The following MERTK variants were observed in gnomAD, a reference collection of about 807,000 sequenced individuals.
MERTK encodes tyrosine-protein kinase Mer.
MERTK carries 69 observed loss-of-function variants against 99.3 expected under a neutral mutation model. That is an observed-to-expected ratio of 0.70 (90% CI 0.57 to 0.85). The LOEUF is 0.85. Ranked by LOEUF, MERTK falls within the 40% of genes least tolerant of loss-of-function variation. The pLI, the probability that MERTK is intolerant of heterozygous loss-of-function variation, is 0.00. For missense variants in MERTK, 1,125 were observed against 1,249.4 expected, an observed-to-expected ratio of 0.90 and a Z score of 1.50; for synonymous variants, 426 against 467.6, an observed-to-expected ratio of 0.91 and a Z score of 1.15.
intron 3 of MERTK, among the ~76,000 whole-genome samples, chr2:111,947,064 G>A (rs963669276): frequency 6.6e-6 from 1 of 152,198 alleles, no homozygotes; most frequent in Non-Finnish European, 1.5e-5. Flanking sequence ...CTTGAGGTCA[G>A]GAGTTCGAGG....
At chr2:111,909,877 A>G (rs888904988) in intron 1 of MERTK, among the ~76,000 whole-genome samples, 4 of 152,276 alleles carry the variant, frequency 2.6e-5, no homozygotes, top group African/African-American at 7.2e-5. Flanking sequence ...AGGTTCCTCA[A>G]AAAACTACAG....
At chr2:111,931,764 T>C (rs1684676692) in intron 2 of MERTK, among the ~76,000 whole-genome samples, 1 of 152,020 alleles carries the variant, frequency 6.6e-6, no homozygotes, top group East Asian at 1.9e-4. Context: ...ATTGGTCTCA[T>C]TGGGTGTCAC....
chr2:111,975,105 T>C (rs1676216966), intron 6 of MERTK, among the ~76,000 whole-genome samples, 184 bp from the exon 7 acceptor site: 1 of 152,206 alleles, frequency 6.6e-6, no homozygotes, highest in Non-Finnish European at 1.5e-5. Flanking sequence ...TGTTCAGTTA[T>C]TGTCCGAGGG....
intron 18 of MERTK, among the ~76,000 whole-genome samples, chr2:112,023,409 A>G (rs1362667796): frequency 6.6e-6 from 1 of 152,082 alleles, no homozygotes; most frequent in East Asian, 1.9e-4. Context: ...GTAAAACTCC[A>G]TCTCAAAAAA....
intron 4 of MERTK, among the ~76,000 whole-genome samples, chr2:111,957,891 C>A (rs1211720233): frequency 6.6e-6 from 1 of 152,152 alleles, no homozygotes; most frequent in Non-Finnish European, 1.5e-5. Context: ...ATTGCTTAAT[C>A]CAGAACTCAA....
rs1469013746 is a variant in MERTK at position 111,898,840 on chromosome 2, C to T, written c.61+44C>T. ...GGGCCAGGCGAGGGGGTGGGGGCTC[C>T]CAGGAGGAAGCAGGGGCCTCTGGGG... On this transcript the variant is annotated intron_variant, in intron 1 of 18. Transcript: ENST00000295408. 9.0e-6 allele frequency: 14 copies of T among 1,552,336 alleles called. No homozygotes were observed. In the East Asian group the frequency reaches 3.1e-4, roughly 35 times the overall value.
intron 13 of MERTK, among the ~76,000 whole-genome samples, chr2:112,007,823 A>C (rs1248600597): frequency 6.6e-6 from 1 of 151,654 alleles, no homozygotes; most frequent in Non-Finnish European, 1.5e-5. Flanking sequence ...GCAACAGATC[A>C]GTTAGAATTG....
intron 18 of MERTK, 57 bp downstream of exon 18, chr2:112,022,451 T>C: frequency 6.2e-7 from 1 of 1,611,384 alleles, no homozygotes; most frequent in Non-Finnish European, 8.5e-7. Flanking sequence ...CACCTGGCTC[T>C]GCACTGACCT....
rs1323267709 is a variant in MERTK, at chr2:112,016,522, A to C, written c.2080-2891A>C. Among the ~76,000 whole-genome samples, 4 of 152,150 alleles carry C rather than the reference A, an allele frequency of 2.6e-5. No individual in the cohort carries two copies. The East Asian group carries it at 7.7e-4, about 29-fold the overall frequency. ...CCCAAGACTATTATCAGTGCATTTG[A>C]TACTGCGATGGCCCAATATCAATGT... is the stretch of plus-strand genomic sequence containing the variant. On this transcript the variant is annotated intron_variant, in intron 15 of 18. Transcript: ENST00000295408.
chr2:111,965,910 A>G (rs572147592), intron 5 of MERTK, among the ~76,000 whole-genome samples: 12 of 152,328 alleles, frequency 7.9e-5, no homozygotes, highest in African/African-American at 2.9e-4. Context: ...GAGTTATGAT[A>G]ATAGAATTAA....
At chr2:111,960,382 G>A (rs1169362215) in intron 4 of MERTK, among the ~76,000 whole-genome samples, 1 of 150,922 alleles carries the variant, frequency 6.6e-6, no homozygotes, top group African/African-American at 2.4e-5. Flanking sequence ...TTGGGAGACT[G>A]AGGCAGGAGA....
intron 9 of MERTK, chr2:111,995,616 T>C (rs1676719365): frequency 5.3e-6 from 1 of 188,276 alleles, no homozygotes; most frequent in South Asian, 1.4e-4. Flanking sequence ...TAACTGGTGA[T>C]GGGGAGGCAA....
chr2:112,002,972 C>CAATA (rs534921179), intron 11 of MERTK, 120 bp from the exon 12 acceptor site: 213 of 602,906 alleles, frequency 3.5e-4, no homozygotes, highest in East Asian at 1.2e-3. Flanking sequence ...GACTCTGGCT[C>CAATA]AATAAATAAA....
intron 1 of MERTK, among the ~76,000 whole-genome samples, chr2:111,911,854 G>A (rs537100242): frequency 1.1e-4 from 17 of 151,664 alleles, no homozygotes; most frequent in African/African-American, 4.1e-4. Flanking sequence ...ACAGCCAGCT[G>A]TTTCTTAACT....
chr2:112,008,282 C>T (rs1677026011), intron 13 of MERTK, 101 bp from the exon 14 acceptor site: 11 of 832,724 alleles, frequency 1.3e-5, no homozygotes, highest in Non-Finnish European at 2.2e-5. Context: ...ACTTTCATCT[C>T]TTCCTGACCT....
chr2:111,957,697 T>C lies in MERTK; in HGVS notation c.758-7494T>C, dbSNP rs77751765. 5.4e-3 allele frequency among the ~76,000 whole-genome samples: 828 copies of C among 152,276 alleles called. 7 individuals are homozygous for C. The highest frequency in any genetic ancestry group is 0.019 in the African/African-American group (799 of 41,530). On this transcript the variant is annotated intron_variant, in intron 4 of 18. Transcript: ENST00000295408. ...GTTTCTGGAAAAAATGTCTGGCTTG[T>C]AGTACATACTCAGTAAATATTTGTC...
At chr2:112,022,671 T>A in intron 18 of MERTK, 2 of 663,966 alleles carry the variant, frequency 3.0e-6, no homozygotes, top group Non-Finnish European at 5.6e-6. Flanking sequence ...ATGGCACCTG[T>A]CCTAAAATTC....
At chr2:111,950,891 T>C (rs988834258) in intron 4 of MERTK, among the ~76,000 whole-genome samples, 2 of 152,222 alleles carry the variant, frequency 1.3e-5, no homozygotes, top group Non-Finnish European at 2.9e-5. Flanking sequence ...AGCCTTCCAA[T>C]CAATGAATAC....
chr2:111,901,533 G>A (rs869016), intron 1 of MERTK, among the ~76,000 whole-genome samples: 53,515 of 150,528 alleles, frequency 0.36, 9,955 homozygotes, highest in East Asian at 0.73. Flanking sequence ...AAAGTGCTGA[G>A]TGGAATTCTT....
Sources: allele counts gnomAD v4.1 joint callset (sites outside exome capture counted in the v4.1 genomes callset), GRCh38; gene constraint gnomAD v4.1.1; transcripts MANE v1.5; gene names NCBI Gene and HGNC (gene_info 2026-07-23, HGNC 2026-07-21).